Variants in CCDC141 observed in about 807,000 individuals in gnomAD.
CCDC141 encodes coiled-coil domain containing 141, also known as coiled-coil domain-containing protein 141.
A neutral mutation model predicts 181.0 loss-of-function variants in CCDC141; 168 were observed. That is an observed-to-expected ratio of 0.93 (90% CI 0.82 to 1.05). The LOEUF (loss-of-function observed/expected upper bound fraction) is 1.05. Among genes scored for constraint, CCDC141 ranks in the 50% least tolerant of loss-of-function variants. The pLI, the probability that CCDC141 is intolerant of heterozygous loss-of-function variation, is 0.00. For synonymous variants in CCDC141, 666 were observed against 642.3 expected, an observed-to-expected ratio of 1.04 and a Z score of -0.56; for missense variants, 1,902 against 1,788.5, an observed-to-expected ratio of 1.06 and a Z score of -1.14.
intron 2 of CCDC141, among the ~76,000 whole-genome samples, chr2:178,987,453 C>T (rs1030549231): frequency 3.3e-5 from 5 of 152,018 alleles, no homozygotes; most frequent in African/African-American, 7.2e-5. Context: ...GCAACAAAAG[C>T]CAAAATTGAC....
chr2:178,919,412 T>C (rs1688592098), intron 6 of CCDC141, among the ~76,000 whole-genome samples: 2 of 152,138 alleles, frequency 1.3e-5, no homozygotes, highest in South Asian at 2.1e-4. Flanking sequence ...TTGAGTACCA[T>C]GTAGATGTAG....
intron 6 of CCDC141, among the ~76,000 whole-genome samples, chr2:178,930,145 C>T (rs1245278351): frequency 2.6e-5 from 4 of 151,896 alleles, no homozygotes; most frequent in Non-Finnish European, 5.9e-5. Flanking sequence ...AAAAAAATCA[C>T]TTGTGTTTCT....
At chr2:179,032,350 C>T (rs2043023101) in intron 2 of CCDC141, among the ~76,000 whole-genome samples, 1 of 152,122 alleles carries the variant, frequency 6.6e-6, no homozygotes, top group Non-Finnish European at 1.5e-5. Context: ...TCACGACTGC[C>T]ATTTGGGGAT....
chr2:179,045,570 C>A (rs2043468873), intron 2 of CCDC141, among the ~76,000 whole-genome samples: 1 of 151,732 alleles, frequency 6.6e-6, no homozygotes, highest in Non-Finnish European at 1.5e-5. Context: ...AGTTCTAGAT[C>A]CCTGAGGAGT....
At chr2:179,015,404 A>T (rs1327065336) in intron 2 of CCDC141, among the ~76,000 whole-genome samples, 5 of 132,406 alleles carry the variant, frequency 3.8e-5, no homozygotes, top group South Asian at 2.5e-4. Flanking sequence ...CATATATCTC[A>T]TATATGTACC....
intron 5 of CCDC141, among the ~76,000 whole-genome samples, chr2:178,951,072 C>T (rs1456799989): frequency 6.6e-6 from 1 of 152,070 alleles, no homozygotes; most frequent in Non-Finnish European, 1.5e-5. Context: ...TGTCTCTGGA[C>T]CTAAATTTTA....
chr2:178,995,679 G>A (rs12992925), intron 2 of CCDC141, among the ~76,000 whole-genome samples: 70,376 of 152,074 alleles, frequency 0.46, 18,542 homozygotes, highest in East Asian at 0.64. Flanking sequence ...GGGTAGAAAC[G>A]GCAATGAATA....
In CCDC141 at chr2:178,865,906, T is replaced by C; in HGVS notation, c.2585A>G (p.Asn862Ser). 1 of 1,581,698 alleles carries C rather than the reference T, an allele frequency of 6.3e-7. No homozygotes were observed. The highest frequency in any genetic ancestry group is 8.6e-7 in the Non-Finnish European group (1 of 1,164,802). Residue 862 changes from asparagine to serine, a missense_variant, in exon 17 of 24, where the codon AAT (asparagine) becomes AGT (serine). Transcript: ENST00000443758. ...ISSVQRPHCS[N>S]VSAKNLQQQL... is the part of the protein sequence containing the mutation. ...CTGCTGTAGGTTCTTTGCAGAAACA[T>C]TAGAGCAGTGCTAAAAGAGACAAAT... is the stretch of plus-strand genomic sequence containing the variant.
At chr2:178,972,746 C>T (rs1400300501) in intron 4 of CCDC141, among the ~76,000 whole-genome samples, 2 of 152,156 alleles carry the variant, frequency 1.3e-5, no homozygotes, top group African/African-American at 4.8e-5. Context: ...GTATATTATT[C>T]CCTCTCTTTC....
At chr2:178,917,438 T>A (rs1688501905) in intron 7 of CCDC141, among the ~76,000 whole-genome samples, 1 of 152,222 alleles carries the variant, frequency 6.6e-6, no homozygotes, top group South Asian at 2.1e-4. Flanking sequence ...TCAAAAAGTT[T>A]CTTATTAGTA....
chr2:178,945,673 T>C (rs916231648), intron 5 of CCDC141, among the ~76,000 whole-genome samples: 1 of 152,134 alleles, frequency 6.6e-6, no homozygotes, highest in Admixed American at 6.6e-5. Context: ...TTCAAAATAA[T>C]GGGCATATAA....
chr2:178,917,486 C>T (rs892716112), intron 7 of CCDC141, among the ~76,000 whole-genome samples: 3 of 152,024 alleles, frequency 2.0e-5, no homozygotes, highest in African/African-American at 4.8e-5. Context: ...TGATATACAC[C>T]AGGACATTGT....
chr2:178,842,520 G>GA (rs781689258), intron 22 of CCDC141, among the ~76,000 whole-genome samples: 1 of 152,264 alleles, frequency 6.6e-6, no homozygotes, highest in Non-Finnish European at 1.5e-5. Context: ...CCTGTAGGCA[G>GA]AAAAAATGTC....
At chr2:178,968,915 C>A (rs554551902) in intron 4 of CCDC141, among the ~76,000 whole-genome samples, 1 of 151,938 alleles carries the variant, frequency 6.6e-6, no homozygotes, top group South Asian at 2.1e-4. Context: ...ACCACTGATC[C>A]CACAGAAATA....
chr2:178,879,857 A>C (rs752702469), intron 11 of CCDC141, among the ~76,000 whole-genome samples: 13 of 152,212 alleles, frequency 8.5e-5, no homozygotes, highest in Non-Finnish European at 1.8e-4. Context: ...CTGTGAAGAC[A>C]CTCGCTGATT....
chr2:178,918,008 G>A (rs375858877), intron 7 of CCDC141, among the ~76,000 whole-genome samples: 2 of 152,174 alleles, frequency 1.3e-5, no homozygotes, highest in African/African-American at 4.8e-5. Context: ...AAATTTTAAG[G>A]TATTTTTCAG....
chr2:178,902,987 C>G (rs1314742372), intron 8 of CCDC141, among the ~76,000 whole-genome samples: 3 of 148,904 alleles, frequency 2.0e-5, no homozygotes, highest in African/African-American at 7.3e-5. Context: ...ATTTATGCAG[C>G]CAAAAAACAC....
At chr2:178,986,044 T>C (rs1044937432) in intron 2 of CCDC141, among the ~76,000 whole-genome samples, 4 of 152,186 alleles carry the variant, frequency 2.6e-5, no homozygotes, top group South Asian at 4.1e-4. Context: ...ATATCCTTGA[T>C]GAACATTGAT....
intron 2 of CCDC141, among the ~76,000 whole-genome samples, chr2:179,018,362 G>T (rs574318268): frequency 1.3e-5 from 2 of 152,120 alleles, no homozygotes; most frequent in South Asian, 4.2e-4. Context: ...TTATAGAAAC[G>T]CACTTAGTTT....
Sources: gnomAD v4.1 joint callset for allele counts (sites outside exome capture counted in the v4.1 genomes callset) on GRCh38, gnomAD v4.1.1 for gene constraint, MANE v1.5 for transcripts, NCBI Gene and HGNC (gene_info 2026-07-23, HGNC 2026-07-21) for gene names.